GSE1: variants seen among roughly 807,000 people sequenced by gnomAD.
GSE1 encodes the protein Gse1 coiled-coil protein.
Under a neutral mutation model 112.6 loss-of-function variants are expected in GSE1, and 32 were observed. That is an observed-to-expected ratio of 0.28 (90% confidence interval 0.21 to 0.38). The LOEUF (loss-of-function observed/expected upper bound fraction) is 0.38. Ranked by LOEUF, GSE1 falls within the 10% of genes least tolerant of loss-of-function variation. The probability of loss-of-function intolerance (pLI) is 1.00; values close to 1 mark genes in which losing one functional copy is unlikely to be tolerated. For synonymous variants in GSE1, 1,115 were observed against 735.6 expected (o/e 1.52, Z -8.35); for missense variants, 2,348 against 1,699.2 (o/e 1.38, Z -6.71).
At chr16:85,587,984 G>T (rs2046786867) in intron 1 of GSE1, among the ~76,000 whole-genome samples, 1 of 152,160 alleles carries the variant, frequency 6.6e-6, no homozygotes, top group South Asian at 2.1e-4. Context: ...CTCGGTCATC[G>T]TAATTGGTCA....
intron 2 of GSE1, among the ~76,000 whole-genome samples, chr16:85,437,050 C>T (rs749499380): frequency 6.6e-6 from 1 of 152,140 alleles, no homozygotes; most frequent in South Asian, 2.1e-4. Flanking sequence ...GAGCAGATGG[C>T]GGGGGCGGGG....
chr16:85,561,171 G>T (rs1332215551), intron 1 of GSE1, among the ~76,000 whole-genome samples: 1 of 152,022 alleles, frequency 6.6e-6, no homozygotes, highest in Admixed American at 6.6e-5. Context: ...GGCAGTGGCT[G>T]CTTCGTCTAC....
intron 1 of GSE1, among the ~76,000 whole-genome samples, chr16:85,623,397 G>A (rs1049781564): frequency 2.6e-5 from 4 of 152,110 alleles, no homozygotes; most frequent in South Asian, 2.1e-4. Context: ...CCAATCATTT[G>A]CACCCTCTCT....
chr16:85,488,888 C>G (rs529788427), intron 2 of GSE1, among the ~76,000 whole-genome samples: 2 of 152,104 alleles, frequency 1.3e-5, no homozygotes, highest in Non-Finnish European at 2.9e-5. Flanking sequence ...GAAGACCCCC[C>G]CATTCTAACA....
chr16:85,256,818 G>A (rs1412112912), intron 1 of GSE1, among the ~76,000 whole-genome samples: 1 of 152,262 alleles, frequency 6.6e-6, no homozygotes, highest in Non-Finnish European at 1.5e-5. Context: ...TTGGGGCCCA[G>A]GACTGTCACC....
chr16:85,237,153 G>A (rs1430222721), intron 1 of GSE1, among the ~76,000 whole-genome samples: 2 of 152,042 alleles, frequency 1.3e-5, no homozygotes, highest in Admixed American at 6.5e-5. Flanking sequence ...GTGAAACCCC[G>A]CCTCTACTAA....
chr16:85,258,250 C>T (rs1907290535), intron 1 of GSE1, among the ~76,000 whole-genome samples: 1 of 152,234 alleles, frequency 6.6e-6, no homozygotes. Context: ...ACTGGCCCAT[C>T]GCACCGCTGG....
chr16:85,401,886 G>A (rs964551444), intron 2 of GSE1, among the ~76,000 whole-genome samples: 7 of 152,328 alleles, frequency 4.6e-5, no homozygotes, highest in Admixed American at 2.0e-4. Context: ...TGTGCCTGGC[G>A]TGAGCCTGTG....
chr16:85,187,154 T>G (rs745901511), intron 1 of GSE1, among the ~76,000 whole-genome samples: 45 of 152,222 alleles, frequency 3.0e-4, no homozygotes, highest in Non-Finnish European at 5.6e-4. Context: ...CTCAGCTGCC[T>G]GGCAGGCTCT....
At chr16:85,417,927 C>T (rs890794043) in intron 2 of GSE1, among the ~76,000 whole-genome samples, 2 of 152,214 alleles carry the variant, frequency 1.3e-5, no homozygotes, top group African/African-American at 4.8e-5. Context: ...GCAACCTCCG[C>T]CTCCCGAGTT....
At position 85,656,528 on chromosome 16, in the gene GSE1, G is replaced by C. The variant is rs766892362; in HGVS notation, c.1175G>C (p.Arg392Pro). The C allele has an allele frequency of 1.3e-6, 2 of 1,549,012 alleles. No individual in the cohort carries two copies. Among genetic ancestry groups the C allele is most frequent in the Non-Finnish European group, 1.7e-6 (2 of 1,146,420 alleles). ...ERELERQREQ[R>P]AREKELLAAK... Reference sequence around the variant, plus strand: ...GAGCTGGAGCGCCAGCGGGAGCAGCGGGCCCGGGAGAAGGAGCTGCTGGCC... The same window carrying C: ...GAGCTGGAGCGCCAGCGGGAGCAGCCGGCCCGGGAGAAGGAGCTGCTGGCC... Residue 392 changes from arginine (R) to proline (P), a missense_variant, in exon 7 of 16, where the codon CGG becomes CCG. Physicochemically the swap from Arg to Pro is moderately radical, Grantham distance 103. Coordinates refer to ENST00000253458, the MANE Select transcript of GSE1 (RefSeq NM_014615.5).
chr16:85,652,252 C>T (rs1422412046), intron 3 of GSE1, among the ~76,000 whole-genome samples: 3 of 152,232 alleles, frequency 2.0e-5, no homozygotes, highest in Non-Finnish European at 2.9e-5. Context: ...GATGTGTGCA[C>T]GAGGCACGAC....
At chr16:85,400,842 G>A (rs1000261436) in intron 2 of GSE1, among the ~76,000 whole-genome samples, 1 of 151,330 alleles carries the variant, frequency 6.6e-6, no homozygotes, top group East Asian at 1.9e-4. Flanking sequence ...TGCGTGTGGT[G>A]TGTGTGTCTC....
chr16:85,173,198 C>T (rs1010722052), intron 1 of GSE1, among the ~76,000 whole-genome samples: 1 of 152,226 alleles, frequency 6.6e-6, no homozygotes, highest in Non-Finnish European at 1.5e-5. Context: ...TTGTTCCTTA[C>T]CATGGCGCTG....
chr16:85,668,580 C>T (rs566922889), intron 14 of GSE1, among the ~76,000 whole-genome samples, 156 bp downstream of exon 14: 2 of 152,326 alleles, frequency 1.3e-5, no homozygotes, highest in South Asian at 4.1e-4. Flanking sequence ...CTTCCGGCTT[C>T]TGGTAGCGGT....
At chr16:85,371,911 G>A (rs2047308989) in intron 2 of GSE1, among the ~76,000 whole-genome samples, 1 of 152,216 alleles carries the variant, frequency 6.6e-6, no homozygotes, top group Non-Finnish European at 1.5e-5. Context: ...AAAAGGGCAG[G>A]AGGGGCTGGG....
intron 1 of GSE1, among the ~76,000 whole-genome samples, chr16:85,270,454 T>G (rs1419632263): frequency 6.7e-6 from 1 of 149,096 alleles, no homozygotes; most frequent in Non-Finnish European, 1.5e-5. Context: ...CCTGTAGACA[T>G]TCGGCACAGC....
chr16:85,176,686 C>G (rs988385672), intron 1 of GSE1, among the ~76,000 whole-genome samples: 3 of 152,278 alleles, frequency 2.0e-5, no homozygotes, highest in Non-Finnish European at 2.9e-5. Context: ...ACCCCAGCCT[C>G]TCACTGTGGG....
intron 2 of GSE1, among the ~76,000 whole-genome samples, chr16:85,402,805 C>G (rs969362934): frequency 6.6e-6 from 1 of 151,890 alleles, no homozygotes; most frequent in Non-Finnish European, 1.5e-5. Flanking sequence ...GTCCCAGTTA[C>G]TTGGGAGGCT....
Sources: gnomAD v4.1 joint callset for allele counts (sites outside exome capture counted in the v4.1 genomes callset) on GRCh38, gnomAD v4.1.1 for gene constraint, MANE v1.5 for transcripts, NCBI Gene and HGNC (gene_info 2026-07-23, HGNC 2026-07-21) for gene names.